Variants in TMEM108 observed in about 807,000 individuals in gnomAD.
The protein encoded by TMEM108 is cancer/testis antigen 124.
TMEM108 carries 12 observed loss-of-function variants against 35.1 expected under a neutral mutation model. The observed-to-expected ratio is 0.34, with a 90% CI of 0.22 to 0.55. The LOEUF (loss-of-function observed/expected upper bound fraction) is 0.55. TMEM108 is among the 20% of genes least tolerant of loss of function. TMEM108 has a pLI of 0.89. For missense variants in TMEM108, 680 were observed against 753.3 expected (o/e 0.90, Z 1.14); for synonymous variants, 287 against 308.6 (o/e 0.93, Z 0.73).
intron 5 of TMEM108, among the ~76,000 whole-genome samples, chr3:133,395,296 C>T (rs891538715): frequency 6.6e-6 from 1 of 152,212 alleles, no homozygotes; most frequent in Non-Finnish European, 1.5e-5. Flanking sequence ...TGACCAGGCT[C>T]TGGAAGGACT....
intron 3 of TMEM108, among the ~76,000 whole-genome samples, chr3:133,315,499 A>C (rs985435343): frequency 6.6e-6 from 1 of 152,210 alleles, no homozygotes; most frequent in African/African-American, 2.4e-5. Flanking sequence ...CCCCACACCC[A>C]TGAGAGCTTG....
intron 2 of TMEM108, among the ~76,000 whole-genome samples, chr3:133,189,614 C>A (rs1259543422): frequency 1.3e-5 from 2 of 152,164 alleles, no homozygotes; most frequent in Non-Finnish European, 2.9e-5. Context: ...CAAAGTATCA[C>A]CAAGATGTCT....
chr3:133,347,868 C>T (rs2071868634), intron 3 of TMEM108, among the ~76,000 whole-genome samples: 1 of 151,800 alleles, frequency 6.6e-6, no homozygotes, highest in Admixed American at 6.6e-5. Flanking sequence ...AACTATAAAG[C>T]CTCACTGCAA....
At chr3:133,242,929 A>G (rs1946333489) in intron 3 of TMEM108, among the ~76,000 whole-genome samples, 1 of 152,238 alleles carries the variant, frequency 6.6e-6, no homozygotes. Context: ...AAAGAAATGC[A>G]GCAGTTTGCT....
intron 3 of TMEM108, among the ~76,000 whole-genome samples, chr3:133,316,486 G>C (rs2071200843): frequency 6.6e-6 from 1 of 152,216 alleles, no homozygotes; most frequent in African/African-American, 2.4e-5. Flanking sequence ...CCCAGTGAAA[G>C]TGTGCTGTAC....
chr3:133,358,800 C>T (rs2072256225), intron 3 of TMEM108, among the ~76,000 whole-genome samples: 1 of 152,158 alleles, frequency 6.6e-6, no homozygotes, highest in African/African-American at 2.4e-5. Flanking sequence ...TTCTCTCCTC[C>T]CTTCCCATCC....
At chr3:133,067,930 C>A (rs1021603726) in intron 2 of TMEM108, among the ~76,000 whole-genome samples, 1 of 151,870 alleles carries the variant, frequency 6.6e-6, no homozygotes, top group Non-Finnish European at 1.5e-5. Context: ...ACTGGAAAGT[C>A]CAAGAGCATG....
chr3:133,165,386 C>T (rs774953594), intron 2 of TMEM108, among the ~76,000 whole-genome samples: 3 of 151,894 alleles, frequency 2.0e-5, no homozygotes, highest in Non-Finnish European at 4.4e-5. Flanking sequence ...TTGGATGATT[C>T]GAAGTGACAG....
intron 3 of TMEM108, among the ~76,000 whole-genome samples, chr3:133,325,370 T>A (rs2071317224): frequency 6.6e-6 from 1 of 152,190 alleles, no homozygotes; most frequent in South Asian, 2.1e-4. Context: ...ATGCATTGGC[T>A]ACACTGCTTA....
intron 2 of TMEM108, among the ~76,000 whole-genome samples, chr3:133,059,264 C>T (rs1000968950): frequency 6.6e-6 from 1 of 152,190 alleles, no homozygotes; most frequent in Non-Finnish European, 1.5e-5. Context: ...CAGTCTGTTG[C>T]AGTAATTTGT....
chr3:133,065,742 T>C (rs988338253), intron 2 of TMEM108, among the ~76,000 whole-genome samples: 109 of 152,282 alleles, frequency 7.2e-4, no homozygotes, highest in African/African-American at 2.5e-3. Flanking sequence ...AATGAAAATA[T>C]CATTTTAAAA....
At chr3:133,127,939 T>C (rs1215361741) in intron 2 of TMEM108, among the ~76,000 whole-genome samples, 1 of 152,230 alleles carries the variant, frequency 6.6e-6, no homozygotes, top group Non-Finnish European at 1.5e-5. Context: ...CCTGTTCACC[T>C]AGGTAGGTAT....
chr3:133,156,122 G>T (rs750212588), intron 2 of TMEM108, among the ~76,000 whole-genome samples: 3 of 148,998 alleles, frequency 2.0e-5, no homozygotes, highest in Admixed American at 1.3e-4. Flanking sequence ...TTGCTATGTT[G>T]CCCAGGCCTA....
At chr3:133,232,960 C>A (rs1423328249) in intron 3 of TMEM108, among the ~76,000 whole-genome samples, 1 of 151,350 alleles carries the variant, frequency 6.6e-6, no homozygotes, top group East Asian at 1.9e-4. Context: ...GATGTTAAAG[C>A]TAGTCCTAAG....
At chr3:133,293,131 G>A (rs1477122379) in intron 3 of TMEM108, among the ~76,000 whole-genome samples, 1 of 152,098 alleles carries the variant, frequency 6.6e-6, no homozygotes, top group Admixed American at 6.5e-5. Flanking sequence ...TAGTTTACCA[G>A]TAAATACCTT....
intron 3 of TMEM108, among the ~76,000 whole-genome samples, chr3:133,285,847 G>T (rs970172067): frequency 6.6e-6 from 1 of 152,122 alleles, no homozygotes; most frequent in South Asian, 2.1e-4. Flanking sequence ...CTGGCCCTTG[G>T]ATATGTTTAT....
intron 2 of TMEM108, among the ~76,000 whole-genome samples, chr3:133,047,925 T>C (rs1423007720): frequency 6.6e-6 from 1 of 152,182 alleles, no homozygotes; most frequent in Admixed American, 6.5e-5. Context: ...CCAAGGGTAA[T>C]TCTTAATTCT....
chr3:133,158,512 C>T lies in TMEM108; in HGVS notation c.-46-70754C>T, dbSNP rs534833015. 6.1e-5 allele frequency among the ~76,000 whole-genome samples: 9 copies of T among 148,438 alleles called. No homozygotes were observed. In the South Asian group the frequency reaches 8.7e-4, roughly 14 times the overall value. ...AAAGAAAAGAAAGAAATTGTTGTGA[C>T]GTAGGTCGACTTAAGGAAGCAAACC... is the stretch of plus-strand genomic sequence containing the variant. On this transcript the variant is annotated intron_variant, in intron 2 of 5. Transcript: ENST00000321871.
intron 2 of TMEM108, among the ~76,000 whole-genome samples, chr3:133,156,023 G>A (rs774671469): frequency 6.7e-6 from 1 of 149,406 alleles, no homozygotes; most frequent in Non-Finnish European, 1.5e-5. Flanking sequence ...TGTATAATAC[G>A]TAAGGTGAGG....
Sources: gnomAD v4.1 joint callset for allele counts (sites outside exome capture counted in the v4.1 genomes callset) on GRCh38, gnomAD v4.1.1 for gene constraint, MANE v1.5 for transcripts, NCBI Gene and HGNC (gene_info 2026-07-23, HGNC 2026-07-21) for gene names.